The following PDE8B variants were observed in gnomAD, a reference collection of about 807,000 sequenced individuals.
PDE8B encodes phosphodiesterase 8B.
PDE8B carries 26 observed loss-of-function variants against 101.3 expected under a neutral mutation model. The observed-to-expected ratio is 0.26, with a 90% CI of 0.19 to 0.36. The LOEUF (loss-of-function observed/expected upper bound fraction) is 0.36. Ranked by LOEUF, PDE8B falls within the 10% of genes least tolerant of loss-of-function variation. The pLI is 1.00. For missense variants in PDE8B, 810 were observed against 1,163.1 expected, an observed-to-expected ratio of 0.70 and a Z score of 4.42; for synonymous variants, 424 against 429.3, an observed-to-expected ratio of 0.99 and a Z score of 0.15.
chr5:77,390,055 T>C (rs1789585082), intron 10 of PDE8B, among the ~76,000 whole-genome samples: 3 of 152,202 alleles, frequency 2.0e-5, no homozygotes, highest in Admixed American at 6.5e-5. Context: ...CCTCCAACTA[T>C]GTATGAGAGT....
At chr5:77,231,778 G>A (rs532430314) in intron 1 of PDE8B, among the ~76,000 whole-genome samples, 7 of 152,326 alleles carry the variant, frequency 4.6e-5, no homozygotes, top group South Asian at 4.1e-4. Flanking sequence ...AGCCCTTACC[G>A]GCCCTAGGAC....
intron 10 of PDE8B, among the ~76,000 whole-genome samples, chr5:77,392,283 C>T (rs979316138): frequency 6.6e-6 from 1 of 152,104 alleles, no homozygotes; most frequent in African/African-American, 2.4e-5. Context: ...TGCAGACCTA[C>T]CCCCCAAAGT....
the PDE8B span, among the ~76,000 whole-genome samples, chr5:77,187,665 C>A: frequency 3.3e-5 from 5 of 152,164 alleles, no homozygotes; most frequent in Admixed American, 3.3e-4. Context: ...TCCAGAGCTT[C>A]TATCTCTCAA....
At chr5:77,258,512 A>G (rs1006802004) in intron 1 of PDE8B, among the ~76,000 whole-genome samples, 4 of 152,056 alleles carry the variant, frequency 2.6e-5, no homozygotes, top group African/African-American at 7.2e-5. Context: ...GTATCTTAGA[A>G]TTTCTCCACA....
At chr5:77,220,279 G>A (rs1378863205) in intron 1 of PDE8B, among the ~76,000 whole-genome samples, 2 of 152,184 alleles carry the variant, frequency 1.3e-5, no homozygotes, top group African/African-American at 4.8e-5. Context: ...ACTGACTGTG[G>A]AGCCTTCATC....
intron 3 of PDE8B, among the ~76,000 whole-genome samples, chr5:77,327,032 C>T (rs964668076): frequency 1.3e-5 from 2 of 152,164 alleles, no homozygotes; most frequent in Non-Finnish European, 2.9e-5. Flanking sequence ...AAACCAATAG[C>T]GGTCTATGCA....
intron 21 of PDE8B, 167 bp from the exon 22 acceptor site, chr5:77,426,278 C>T: frequency 1.5e-6 from 1 of 658,846 alleles, no homozygotes; most frequent in South Asian, 1.7e-5. Flanking sequence ...TCAAAAAGGA[C>T]CTGTTTGCAT....
chr5:77,366,323 G>GGCT (rs1459140833), intron 10 of PDE8B, among the ~76,000 whole-genome samples: 1 of 152,116 alleles, frequency 6.6e-6, no homozygotes, highest in Non-Finnish European at 1.5e-5. Context: ...GTCACTACTG[G>GGCT]GCTCTCAGGA....
rs569870093 is a variant in PDE8B at position 77,385,167 on chromosome 5, T to C, written c.1168-15081T>C. On this transcript the variant is annotated intron_variant, in intron 10 of 21. Coordinates refer to ENST00000264917, the MANE Select transcript of PDE8B (RefSeq NM_003719.5). ...AATTTCAGGACTTGTTATTGGTCTATTCAGGGATTCAACTTCTTCCTGGTT... is the reference window on the plus strand; with the variant it reads ...AATTTCAGGACTTGTTATTGGTCTACTCAGGGATTCAACTTCTTCCTGGTT... Among the ~76,000 whole-genome samples, 17 of 152,310 alleles carry C rather than the reference T, an allele frequency of 1.1e-4. No homozygotes were observed. The South Asian group carries it at 2.3e-3, about 20-fold the overall frequency.
chr5:77,423,916 C>T (rs556401313), intron 20 of PDE8B, among the ~76,000 whole-genome samples: 25 of 151,610 alleles, frequency 1.6e-4, no homozygotes, highest in South Asian at 6.2e-4. Flanking sequence ...GGATTACAGG[C>T]GTGAGCCACC....
chr5:77,361,615 C>T (rs900391849), intron 10 of PDE8B, among the ~76,000 whole-genome samples: 4 of 151,572 alleles, frequency 2.6e-5, no homozygotes, highest in African/African-American at 9.7e-5. Context: ...CCCAGGTTCA[C>T]GCCATTCTCC....
At chr5:77,150,323 G>T in the PDE8B span, among the ~76,000 whole-genome samples, 3 of 152,326 alleles carry the variant, frequency 2.0e-5, no homozygotes, top group African/African-American at 7.2e-5. Flanking sequence ...CATAGAATGT[G>T]TGACTATCCA....
intron 2 of PDE8B, among the ~76,000 whole-genome samples, chr5:77,315,197 G>A (rs1773542257): frequency 6.6e-6 from 1 of 152,080 alleles, no homozygotes; most frequent in Non-Finnish European, 1.5e-5. Flanking sequence ...TTTAAAAATG[G>A]TTATTGCTTT....
chr5:77,230,108 T>A (rs1217930239), intron 1 of PDE8B, among the ~76,000 whole-genome samples: 1 of 152,214 alleles, frequency 6.6e-6, no homozygotes, highest in Non-Finnish European at 1.5e-5. Context: ...TTATTGCCTG[T>A]CTTTTTTATT....
chr5:77,365,835 A>G (rs1344237589), intron 10 of PDE8B, among the ~76,000 whole-genome samples: 2 of 152,202 alleles, frequency 1.3e-5, no homozygotes, highest in Non-Finnish European at 2.9e-5. Context: ...AGCACTTAGC[A>G]TGAAGCCTGG....
chr5:77,428,005 C>T lies in PDE8B; in HGVS notation c.*1451C>T, dbSNP rs1422556633. 1.3e-5 allele frequency: 2 copies of T among 152,048 alleles called. No homozygotes were observed. The highest frequency in any genetic ancestry group is 2.9e-5 in the Non-Finnish European group (2 of 67,964). The allele number at this position is 152,048 out of a possible 1,614,324, so 9.4% of individuals were successfully genotyped here. On this transcript the variant is annotated 3_prime_UTR_variant, in exon 22 of 22. Coordinates refer to ENST00000264917, the MANE Select transcript of PDE8B (RefSeq NM_003719.5). ...CTACATAATGTGCCAATGTTTTTTTCTATGTTTTGTACCAAAAATGGAAAA... is the reference window on the plus strand; with the variant it reads ...CTACATAATGTGCCAATGTTTTTTTTTATGTTTTGTACCAAAAATGGAAAA...
At chr5:77,367,921 C>G (rs1784440465) in intron 10 of PDE8B, among the ~76,000 whole-genome samples, 1 of 152,220 alleles carries the variant, frequency 6.6e-6, no homozygotes, top group Admixed American at 6.5e-5. Flanking sequence ...ACAAAAGCCC[C>G]CAACTTGTTC....
intron 1 of PDE8B, among the ~76,000 whole-genome samples, chr5:77,309,370 T>C (rs1772023966): frequency 6.6e-6 from 1 of 152,196 alleles, no homozygotes; most frequent in Admixed American, 6.5e-5. Flanking sequence ...TCCTTCCCTA[T>C]CTCTTGGCCT....
chr5:77,111,571 C>G, the PDE8B span, among the ~76,000 whole-genome samples: 4 of 152,092 alleles, frequency 2.6e-5, no homozygotes, highest in Admixed American at 2.6e-4. Flanking sequence ...TACTGAAATA[C>G]TGGAGAAGAG....
Sources: gnomAD v4.1 joint callset for allele counts (sites outside exome capture counted in the v4.1 genomes callset) on GRCh38, gnomAD v4.1.1 for gene constraint, MANE v1.5 for transcripts, NCBI Gene and HGNC (gene_info 2026-07-23, HGNC 2026-07-21) for gene names.